Variants in TANC2 observed in about 807,000 individuals in gnomAD.
The protein encoded by TANC2 is tetratricopeptide repeat, ankyrin repeat and coiled-coil containing 2.
A neutral mutation model predicts 210.5 loss-of-function variants in TANC2; 26 were observed. The ratio of observed to expected loss-of-function variants is 0.12; its 90% confidence interval spans 0.09 to 0.17. The LOEUF (loss-of-function observed/expected upper bound fraction) is 0.17, where lower values mean the gene tolerates loss of function less well. Among genes scored for constraint, TANC2 ranks in the 10% least tolerant of loss-of-function variants. TANC2 has a pLI of 1.00. For synonymous variants in TANC2, 931 were observed against 967.1 expected, an observed-to-expected ratio of 0.96 and a Z score of 0.69; for missense variants, 2,129 against 2,608.9, an observed-to-expected ratio of 0.82 and a Z score of 4.01.
Position 63,072,925 on chromosome 17 carries a change from G to A in TANC2, c.68-1018G>A, listed in dbSNP as rs75757168. Among the ~76,000 whole-genome samples the A allele has an allele frequency of 4.5e-3, 677 of 152,112 alleles. 9 individuals are homozygous for A. The highest frequency in any genetic ancestry group is 0.019 in the East Asian group (100 of 5,184). On this transcript the variant is annotated intron_variant, in intron 2 of 27. Transcript: ENST00000689528. ...AGGCCATTCTGTTTAAAAAGCAATA[G>A]ATGTTACTACACGAGCTCTATTAAA...
At chr17:63,167,034 A>G (rs2040234050) in intron 5 of TANC2, among the ~76,000 whole-genome samples, 1 of 152,142 alleles carries the variant, frequency 6.6e-6, no homozygotes, top group Non-Finnish European at 1.5e-5. Flanking sequence ...TGGAGAAAGA[A>G]AGCATTCTGG....
At chr17:63,414,392 C>T (rs1023473920) in intron 25 of TANC2, 3 of 152,198 alleles carry the variant, frequency 2.0e-5, no homozygotes, top group African/African-American at 7.2e-5. Flanking sequence ...GAGCAGAATT[C>T]TATCTTCTAA....
intron 2 of TANC2, among the ~76,000 whole-genome samples, chr17:63,059,894 A>G (rs1598333490): frequency 6.6e-6 from 1 of 152,276 alleles, no homozygotes; most frequent in East Asian, 1.9e-4. Flanking sequence ...TTAATGGAGA[A>G]TGGCATTTCA....
At chr17:63,257,074 A>ATTTT (rs58464562) in intron 8 of TANC2, among the ~76,000 whole-genome samples, 20 of 126,066 alleles carry the variant, frequency 1.6e-4, no homozygotes, top group African/African-American at 5.4e-4. Context: ...GTTGGTTGGT[A>ATTTT]TTTTTTTTTT....
At chr17:63,030,934 T>C (rs1248407021) in intron 2 of TANC2, among the ~76,000 whole-genome samples, 2 of 152,118 alleles carry the variant, frequency 1.3e-5, no homozygotes, top group Non-Finnish European at 2.9e-5. Flanking sequence ...CTTAAGTTTG[T>C]TAATAATCCA....
intron 3 of TANC2, among the ~76,000 whole-genome samples, chr17:63,080,027 G>A (rs1022220628): frequency 6.6e-6 from 1 of 152,268 alleles, no homozygotes; most frequent in Admixed American, 6.5e-5. Flanking sequence ...CTTTCCAATA[G>A]CGTATTATAT....
At chr17:63,263,594 A>G (rs1422705304) in intron 8 of TANC2, among the ~76,000 whole-genome samples, 1 of 152,156 alleles carries the variant, frequency 6.6e-6, no homozygotes, top group Non-Finnish European at 1.5e-5. Context: ...AAATTAGCTG[A>G]TTCTACCTTT....
exon 15 of TANC2, chr17:63,379,791 C>G: frequency 6.2e-7 from 1 of 1,612,654 alleles, no homozygotes; most frequent in Non-Finnish European, 8.5e-7. Context: ...GACTATTGAA[C>G]TGGGACATCA....
At position 63,029,549 on chromosome 17, in the gene TANC2, G is replaced by A. The variant is rs1393036966; in HGVS notation, c.67+19923G>A. Among the ~76,000 whole-genome samples the A allele has an allele frequency of 2.0e-5, 3 of 152,192 alleles. No homozygotes were observed. The East Asian group carries it at 5.8e-4, about 29-fold the overall frequency. ...TTTACAAACCCTTTAGAACAGTGCT[G>A]TTCAGTACAACTTTCTCTGATGATA... On this transcript the variant is annotated intron_variant, in intron 2 of 27. Transcript: ENST00000689528.
chr17:63,103,618 T>C (rs557401697), intron 4 of TANC2, among the ~76,000 whole-genome samples: 1 of 152,326 alleles, frequency 6.6e-6, no homozygotes, highest in South Asian at 2.1e-4. Context: ...CTTATTCTTA[T>C]AATCACATTG....
intron 14 of TANC2, among the ~76,000 whole-genome samples, chr17:63,366,464 C>T (rs1483985739): frequency 3.9e-5 from 6 of 152,124 alleles, no homozygotes; most frequent in Non-Finnish European, 7.3e-5. Context: ...CTATGACTAC[C>T]GTTGGTGTTT....
chr17:63,340,027 C>A, intron 11 of TANC2, 74 bp from the exon 12 acceptor site: 1 of 1,095,268 alleles, frequency 9.1e-7, no homozygotes, highest in Non-Finnish European at 1.4e-6. Context: ...AGTATAATCA[C>A]TCAATAGCTG....
chr17:63,220,637 G>A (rs1448764801), intron 7 of TANC2, among the ~76,000 whole-genome samples: 3 of 149,544 alleles, frequency 2.0e-5, no homozygotes, highest in East Asian at 3.9e-4. Flanking sequence ...CCGTGAGGCG[G>A]AGGTTGCAGT....
At chr17:63,121,768 C>T (rs1233287481) in intron 4 of TANC2, among the ~76,000 whole-genome samples, 2 of 152,118 alleles carry the variant, frequency 1.3e-5, no homozygotes, top group Non-Finnish European at 2.9e-5. Flanking sequence ...AGACATGCTA[C>T]TTAGATCATC....
intron 14 of TANC2, among the ~76,000 whole-genome samples, chr17:63,364,911 G>A (rs185127869): frequency 2.1e-3 from 323 of 152,264 alleles, no homozygotes; most frequent in African/African-American, 7.4e-3. Flanking sequence ...CTTTTTTAAG[G>A]TGGATATGTT....
intron 5 of TANC2, among the ~76,000 whole-genome samples, chr17:63,177,001 C>T (rs1484193425): frequency 1.3e-5 from 2 of 151,878 alleles, no homozygotes; most frequent in Non-Finnish European, 2.9e-5. Flanking sequence ...CGGTGGCTCA[C>T]ACCTGTAATC....
At chr17:63,357,831 G>T (rs2046822968) in intron 14 of TANC2, among the ~76,000 whole-genome samples, 1 of 152,238 alleles carries the variant, frequency 6.6e-6, no homozygotes, top group Admixed American at 6.5e-5. Flanking sequence ...GTTTGTCTTT[G>T]TGGCCTTCAG....
At chr17:63,098,850 G>A (rs1322171024) in intron 3 of TANC2, among the ~76,000 whole-genome samples, 2 of 143,400 alleles carry the variant, frequency 1.4e-5, no homozygotes, top group African/African-American at 5.4e-5. Flanking sequence ...CCTTTAATGT[G>A]TGTCTTATCA....
chr17:63,129,213 C>T lies in TANC2; in HGVS notation c.323-22057C>T, dbSNP rs115984830. ...GAGATGAGATCTCACTGTGCTGCCC[C>T]GTCTGGTGGTAAACTCCTGGGCCCA... On this transcript the variant is annotated intron_variant, in intron 4 of 27. Transcript: ENST00000689528. Among the ~76,000 whole-genome samples, 10 of 151,894 alleles carry T rather than the reference C, an allele frequency of 6.6e-5. No homozygotes were observed. In the South Asian group the frequency reaches 8.3e-4, roughly 13 times the overall value.
Sources: allele counts gnomAD v4.1 joint callset (sites outside exome capture counted in the v4.1 genomes callset), GRCh38; gene constraint gnomAD v4.1.1; transcripts MANE v1.5; gene names NCBI Gene and HGNC (gene_info 2026-07-23, HGNC 2026-07-21).